Variants in TAF12 observed in about 807,000 individuals in gnomAD.
The protein encoded by TAF12 is transcription initiation factor TFIID subunit 12.
In TAF12, 3 loss-of-function variants were observed where a neutral mutation model predicts 20.8. That is an observed-to-expected ratio of 0.14 (90% confidence interval 0.07 to 0.37). The LOEUF (loss-of-function observed/expected upper bound fraction) is 0.37, where lower values mean the gene tolerates loss of function less well. Among genes scored for constraint, TAF12 ranks in the 10% least tolerant of loss-of-function variants. The probability of loss-of-function intolerance (pLI) is 1.00; values close to 1 mark genes in which losing one functional copy is unlikely to be tolerated. For missense variants in TAF12, 131 were observed against 197.9 expected, an observed-to-expected ratio of 0.66 and a Z score of 2.03; for synonymous variants, 69 against 70.2, an observed-to-expected ratio of 0.98 and a Z score of 0.09.
chr1:28,608,955 G>T (rs1342173100), intron 4 of TAF12, among the ~76,000 whole-genome samples: 1 of 151,814 alleles, frequency 6.6e-6, no homozygotes. Context: ...AATAAATAAA[G>T]AAAGAAATAA....
intron 4 of TAF12, among the ~76,000 whole-genome samples, chr1:28,611,281 A>C (rs1207430903): frequency 2.0e-5 from 3 of 152,022 alleles, no homozygotes; most frequent in Non-Finnish European, 4.4e-5. Flanking sequence ...GGAGGGACGG[A>C]GGGAGACGCC....
At chr1:28,647,281 CAT>C (rs910999830), upstream of TAF12, among the ~76,000 whole-genome samples, 1 of 151,006 alleles carries the variant, frequency 6.6e-6, no homozygotes, top group African/African-American at 2.4e-5. Context: ...ACAATTGTCA[CAT>C]ATTGTTTTTT....
At chr1:28,605,563 C>A in intron 4 of TAF12, 103 bp from the exon 5 acceptor site, 1 of 1,000,600 alleles carries the variant, frequency 1.0e-6, no homozygotes, top group Non-Finnish European at 1.5e-6. Context: ...GGGCATCTGG[C>A]TACTAACTCC....
At chr1:28,629,097 T>C (rs1002556518) in intron 1 of TAF12, among the ~76,000 whole-genome samples, 3 of 151,992 alleles carry the variant, frequency 2.0e-5, no homozygotes, top group African/African-American at 2.4e-5. Flanking sequence ...AAAACACACA[T>C]ACACAGACAT....
At chr1:28,643,142 G>T, upstream of TAF12, 1 of 984,504 alleles carries the variant, frequency 1.0e-6, no homozygotes, top group Non-Finnish European at 1.2e-6. Flanking sequence ...TCCGGCCGGC[G>T]GGCGCGCGCC....
rs1666567253 is a variant in TAF12, at chr1:28,603,378, G to T, written c.*161C>A. On this transcript the variant is annotated 3_prime_UTR_variant, in exon 6 of 6. Coordinates refer to ENST00000373824, the MANE Select transcript of TAF12 (RefSeq NM_005644.4). ...TTGGGGTAGGAGGCTTTATTCTTTT[G>T]GCAGATCCTCTCAGTCATTATAGAT... 1.0e-5 allele frequency: 7 copies of T among 686,160 alleles called. No homozygotes were observed. Among genetic ancestry groups the T allele is most frequent in the South Asian group, 2.2e-5 (1 of 45,348 alleles). The allele number at this position is 686,160 out of a possible 1,614,324, so 42.5% of individuals were successfully genotyped here.
Position 28,630,812 on chromosome 1 carries a change from G to A in TAF12, c.-84-8647C>T, listed in dbSNP as rs1219144121. On this transcript the variant is annotated intron_variant, in intron 1 of 5. Transcript: ENST00000373824. ...TGTAATCCCAGAACTTTGGGAGGCCGACGTGGGCAGATCACAAGGTCAGGA... is the reference window on the plus strand; with the variant it reads ...TGTAATCCCAGAACTTTGGGAGGCCAACGTGGGCAGATCACAAGGTCAGGA... Among the ~76,000 whole-genome samples, 6 of 151,922 alleles carry A rather than the reference G, an allele frequency of 3.9e-5. No individual in the cohort carries two copies. In the East Asian group the frequency reaches 9.7e-4, roughly 24 times the overall value.
chr1:28,605,296 A>G (rs949740976), intron 5 of TAF12, 76 bp downstream of exon 5: 2 of 1,474,888 alleles, frequency 1.4e-6, no homozygotes, highest in Non-Finnish European at 1.9e-6. Flanking sequence ...CCTAGAAGGT[A>G]GCTGTGTGTA....
chr1:28,628,491 G>A (rs981621892), intron 1 of TAF12, among the ~76,000 whole-genome samples: 4 of 152,110 alleles, frequency 2.6e-5, no homozygotes, highest in South Asian at 2.1e-4. Context: ...GCCAGGGCAT[G>A]TAGGAGAGGA....
intron 1 of TAF12, among the ~76,000 whole-genome samples, chr1:28,637,596 CGGA>C (rs1667881664): frequency 6.7e-6 from 1 of 150,126 alleles, no homozygotes; most frequent in South Asian, 2.2e-4. Flanking sequence ...ACCCGTGAGG[CGGA>C]GGTTGCAGTG....
intron 5 of TAF12, 100 bp from the exon 6 acceptor site, chr1:28,603,674 AGGCC>A: frequency 8.0e-7 from 1 of 1,254,170 alleles, no homozygotes; most frequent in Non-Finnish European, 1.2e-6. Context: ...TCTACACTGT[AGGCC>A]GCAGCCCTCA....
intron 1 of TAF12, among the ~76,000 whole-genome samples, chr1:28,631,453 A>G (rs1667616199): frequency 6.6e-6 from 1 of 152,104 alleles, no homozygotes; most frequent in South Asian, 2.1e-4. Flanking sequence ...GAAACCTGGG[A>G]GGCGGAGGTT....
chr1:28,612,358 G>A (rs1666887729), intron 4 of TAF12, among the ~76,000 whole-genome samples: 1 of 151,552 alleles, frequency 6.6e-6, no homozygotes, highest in Non-Finnish European at 1.5e-5. Context: ...GCTGAGGCAG[G>A]AGAATCGCTT....
intron 3 of TAF12, among the ~76,000 whole-genome samples, chr1:28,613,610 A>C (rs1435099991): frequency 6.6e-6 from 1 of 152,058 alleles, no homozygotes; most frequent in Non-Finnish European, 1.5e-5. Context: ...CCCAATCCCT[A>C]CCCTCCATAT....
chr1:28,641,705 G>T (rs1410382517), intron 1 of TAF12, among the ~76,000 whole-genome samples: 1 of 149,796 alleles, frequency 6.7e-6, no homozygotes, highest in Admixed American at 6.8e-5. Flanking sequence ...TAGGTGGGAA[G>T]ACTGCTTGAG....
At chr1:28,608,877 G>A (rs1666761188) in intron 4 of TAF12, among the ~76,000 whole-genome samples, 1 of 151,694 alleles carries the variant, frequency 6.6e-6, no homozygotes, top group Non-Finnish European at 1.5e-5. Flanking sequence ...GAAGGCAGAG[G>A]TTGCAGTGAG....
chr1:28,619,264 T>A (rs1570310911), intron 2 of TAF12, among the ~76,000 whole-genome samples: 1 of 149,878 alleles, frequency 6.7e-6, no homozygotes, highest in Non-Finnish European at 1.5e-5. Flanking sequence ...GAGACCGAGG[T>A]GAGCGGATCA....
chr1:28,639,419 C>T (rs909888480), intron 1 of TAF12, among the ~76,000 whole-genome samples: 23 of 55,986 alleles, frequency 4.1e-4, no homozygotes, highest in African/African-American at 2.8e-3. Context: ...AGCGAAACTC[C>T]GTCTCACAAA....
At chr1:28,643,999 C>G (rs1386238611), upstream of TAF12, among the ~76,000 whole-genome samples, 3 of 150,390 alleles carry the variant, frequency 2.0e-5, no homozygotes, top group South Asian at 4.2e-4. Context: ...TGCAGTGAGC[C>G]GAGATCGCGC....
Sources: allele counts gnomAD v4.1 joint callset (sites outside exome capture counted in the v4.1 genomes callset), GRCh38; gene constraint gnomAD v4.1.1; transcripts MANE v1.5; gene names NCBI Gene and HGNC (gene_info 2026-07-23, HGNC 2026-07-21).